Variants in DCC observed in about 807,000 individuals in gnomAD.
The protein encoded by DCC is DCC netrin 1 receptor, also known as netrin receptor DCC.
DCC carries 58 observed loss-of-function variants against 172.5 expected under a neutral mutation model. The ratio of observed to expected loss-of-function variants is 0.34; its 90% CI spans 0.27 to 0.42. The LOEUF (loss-of-function observed/expected upper bound fraction) is 0.42. Ranked by LOEUF, DCC falls within the 10% of genes least tolerant of loss-of-function variation. DCC has a pLI of 1.00. For missense variants in DCC, 1,740 were observed against 1,791.0 expected (o/e 0.97, Z 0.51); for synonymous variants, 709 against 644.5 (o/e 1.10, Z -1.52).
chr18:53,389,165 CT>C (rs1908381065), intron 16 of DCC, among the ~76,000 whole-genome samples: 1 of 152,118 alleles, frequency 6.6e-6, no homozygotes, highest in South Asian at 2.1e-4. Flanking sequence ...GAACGGATTT[CT>C]TTCTCAGCAA....
chr18:52,833,838 T>A (rs1821120), intron 2 of DCC, among the ~76,000 whole-genome samples: 119,144 of 151,440 alleles, frequency 0.79, 48,029 homozygotes, highest in Middle Eastern at 0.91. Context: ...TTAAAAAAAA[T>A]TTTTTTGTAG....
intron 28 of DCC, 154 bp downstream of exon 28, chr18:53,526,913 TAAATATG>T: frequency 1.3e-6 from 1 of 744,098 alleles, no homozygotes. Context: ...TTCCTGCACT[TAAATATG>T]AAGAGGAAAT....
At chr18:52,920,043 C>T (rs529744116) in intron 3 of DCC, among the ~76,000 whole-genome samples, 300 of 147,916 alleles carry the variant, frequency 2.0e-3, no homozygotes, top group Middle Eastern at 7.1e-3. Flanking sequence ...AAAAAGAATC[C>T]AGACATACCT....
intron 7 of DCC, among the ~76,000 whole-genome samples, chr18:53,093,241 C>T (rs1466002242): frequency 6.6e-6 from 1 of 152,122 alleles, no homozygotes; most frequent in East Asian, 1.9e-4. Flanking sequence ...CACACCACTG[C>T]ACTCCAGCCT....
intron 2 of DCC, among the ~76,000 whole-genome samples, chr18:52,778,060 A>G (rs539524031): frequency 6.6e-6 from 1 of 152,380 alleles, no homozygotes; most frequent in South Asian, 2.1e-4. Flanking sequence ...ATAGCAATAT[A>G]CTAAGCGAAG....
chr18:52,853,690 CAG>C (rs1447584319), intron 2 of DCC, among the ~76,000 whole-genome samples: 2 of 152,322 alleles, frequency 1.3e-5, no homozygotes, highest in South Asian at 2.1e-4. Flanking sequence ...GTCCTGGAAA[CAG>C]AGTGTCTGTC....
intron 5 of DCC, among the ~76,000 whole-genome samples, chr18:53,029,955 C>G (rs927117782): frequency 6.6e-6 from 1 of 152,152 alleles, no homozygotes; most frequent in African/African-American, 2.4e-5. Context: ...TCTAGCCTAC[C>G]TAGATATTTT....
chr18:52,634,095 T>TCATTAAGTGA, intron 1 of DCC, among the ~76,000 whole-genome samples: 1 of 152,378 alleles, frequency 6.6e-6, no homozygotes, highest in Middle Eastern at 3.4e-3. Context: ...ATTAAACATC[T>TCATTAAGTGA]CATTAAGTGA....
chr18:53,088,643 A>T (rs960152722), intron 7 of DCC, among the ~76,000 whole-genome samples: 7 of 152,178 alleles, frequency 4.6e-5, no homozygotes, highest in African/African-American at 1.7e-4. Flanking sequence ...TTTTGAAAGG[A>T]TCAACAGAAT....
At chr18:52,347,307 CTT>C (rs1214681796) in intron 1 of DCC, among the ~76,000 whole-genome samples, 1 of 152,054 alleles carries the variant, frequency 6.6e-6, no homozygotes, top group Non-Finnish European at 1.5e-5. Context: ...TTTCTATAGT[CTT>C]TTAGAAATAT....
chr18:52,882,117 G>A (rs1416510711), intron 2 of DCC, among the ~76,000 whole-genome samples: 1 of 152,032 alleles, frequency 6.6e-6, no homozygotes, highest in Non-Finnish European at 1.5e-5. Context: ...ATATAGAAAT[G>A]TTAATGATTT....
chr18:52,376,491 G>GTA (rs1428269690), intron 1 of DCC, among the ~76,000 whole-genome samples: 44 of 152,212 alleles, frequency 2.9e-4, no homozygotes, highest in African/African-American at 1.1e-3. Context: ...CTATGTGTGT[G>GTA]TGTGTGTGTG....
In DCC at chr18:53,346,502, G is replaced by C. The variant is rs573373391; in HGVS notation, c.2359+6595G>C. Among the ~76,000 whole-genome samples the C allele has an allele frequency of 1.7e-3, 259 of 152,016 alleles. 1 individual carries two copies. The highest frequency in any genetic ancestry group is 2.6e-3 in the Non-Finnish European group (178 of 67,956). On this transcript the variant is annotated intron_variant, in intron 15 of 28. Coordinates refer to ENST00000442544, the MANE Select transcript of DCC (RefSeq NM_005215.4). ...ACCTTTTTACTCTTTTCTTGATATT[G>C]AGTGATTTATCCTGTTCTATTATCA...
At chr18:53,203,758 G>A (rs549483915) in intron 9 of DCC, among the ~76,000 whole-genome samples, 4 of 152,284 alleles carry the variant, frequency 2.6e-5, no homozygotes, top group African/African-American at 9.6e-5. Flanking sequence ...CCAAAGCTAG[G>A]TGTTATCCAA....
At chr18:52,382,613 T>C (rs925947146) in intron 1 of DCC, among the ~76,000 whole-genome samples, 11 of 152,110 alleles carry the variant, frequency 7.2e-5, no homozygotes, top group Non-Finnish European at 1.2e-4. Flanking sequence ...AATGACGACA[T>C]ATTGGAGAGA....
intron 1 of DCC, among the ~76,000 whole-genome samples, chr18:52,650,726 T>C (rs930963391): frequency 6.6e-6 from 1 of 152,200 alleles, no homozygotes; most frequent in African/African-American, 2.4e-5. Flanking sequence ...ATTTAAAAAC[T>C]GAAAATACAA....
chr18:53,048,538 C>T (rs2042290530), intron 5 of DCC, among the ~76,000 whole-genome samples: 1 of 146,444 alleles, frequency 6.8e-6, no homozygotes, highest in African/African-American at 2.6e-5. Context: ...TACATATATA[C>T]ACACACATAT....
chr18:53,166,701 C>T (rs964885405), intron 8 of DCC, among the ~76,000 whole-genome samples: 8 of 152,128 alleles, frequency 5.3e-5, no homozygotes, highest in African/African-American at 1.9e-4. Flanking sequence ...CTAGATTTAT[C>T]CTTTTTAACA....
intron 1 of DCC, among the ~76,000 whole-genome samples, chr18:52,681,725 T>A (rs1047828768): frequency 7.9e-5 from 12 of 152,092 alleles, no homozygotes; most frequent in African/African-American, 2.9e-4. Flanking sequence ...TAGTACTGGA[T>A]TGAATTAGAA....
Sources: gnomAD v4.1 joint callset for allele counts (sites outside exome capture counted in the v4.1 genomes callset) on GRCh38, gnomAD v4.1.1 for gene constraint, MANE v1.5 for transcripts, NCBI Gene and HGNC (gene_info 2026-07-23, HGNC 2026-07-21) for gene names.